Variants in MAP3K12 observed in about 807,000 individuals in gnomAD.
MAP3K12 encodes MAPK-upstream kinase.
A neutral mutation model predicts 87.5 loss-of-function variants in MAP3K12; 14 were observed. The observed-to-expected ratio is 0.16, with a 90% CI of 0.11 to 0.25. The LOEUF (loss-of-function observed/expected upper bound fraction) is 0.25. Ranked by LOEUF, MAP3K12 falls within the 10% of genes least tolerant of loss-of-function variation. The pLI is 1.00. For synonymous variants in MAP3K12, 469 were observed against 452.5 expected (o/e 1.04, Z -0.46); for missense variants, 802 against 1,140.4 (o/e 0.70, Z 4.27).
At chr12:53,497,340 AG>A (rs776727744) in intron 1 of MAP3K12, among the ~76,000 whole-genome samples, 21 of 152,190 alleles carry the variant, frequency 1.4e-4, no homozygotes, top group Non-Finnish European at 2.8e-4. Flanking sequence ...TCTCAAAGCA[AG>A]TGCCAGTAGG....
chr12:53,495,270 C>T (rs1382982417), intron 1 of MAP3K12, among the ~76,000 whole-genome samples: 1 of 132,842 alleles, frequency 7.5e-6, no homozygotes, highest in African/African-American at 2.8e-5. Flanking sequence ...ACCCAGGGGG[C>T]GGAGCCTGCA....
In MAP3K12 at chr12:53,483,193, G is replaced by C. The variant is rs1195974055; in HGVS notation, c.1614-4C>G. 3.3e-6 allele frequency: 5 copies of C among 1,525,650 alleles called. No individual in the cohort carries two copies. The highest frequency in any genetic ancestry group is 1.3e-5 in the South Asian group (1 of 75,730). 94.5% of individuals were successfully genotyped at this position (1,525,650 alleles called of 1,614,324 possible). A position where few individuals can be genotyped will look rare whatever the true frequency, so the allele number is the denominator to read the frequency against. The stretch of plus-strand genomic sequence containing the variant: ...CTCCGTCTTGAGGATATCTGGCCTG[G>C]AAGAAGAGGAAAAGTAAAAGGTTAA... On this transcript the variant is annotated splice_region_variant and splice_polypyrimidine_tract_variant and intron_variant, in intron 10 of 13. Coordinates refer to ENST00000547488, the MANE Select transcript of MAP3K12 (RefSeq NM_001193511.2).
chr12:53,484,099 C>T (rs1943158354), intron 7 of MAP3K12, 79 bp from the exon 8 acceptor site: 22 of 1,464,932 alleles, frequency 1.5e-5, no homozygotes, highest in Middle Eastern at 1.8e-4. Context: ...CACACCACTG[C>T]CAATGTGTGT....
At chr12:53,481,310 T>C (rs1943031096) in intron 13 of MAP3K12, 30 bp from the exon 14 acceptor site, 2 of 1,266,050 alleles carry the variant, frequency 1.6e-6, no homozygotes, top group East Asian at 2.8e-5. Flanking sequence ...TGGAGTGAGA[T>C]TCCTTGGGGT....
intron 1 of MAP3K12, among the ~76,000 whole-genome samples, chr12:53,492,583 A>G (rs923685237): frequency 6.6e-6 from 1 of 152,138 alleles, no homozygotes; most frequent in Admixed American, 6.5e-5. Flanking sequence ...AAATCACACT[A>G]AAGTTCAGCT....
chr12:53,485,509 C>G (rs543692306), intron 4 of MAP3K12, 34 bp from the exon 5 acceptor site: 64 of 1,601,650 alleles, frequency 4.0e-5, no homozygotes, highest in Admixed American at 2.0e-4. Flanking sequence ...GGGTCCACAC[C>G]CCTCCACACA....
At chr12:53,492,698 T>G (rs1395813102) in intron 1 of MAP3K12, among the ~76,000 whole-genome samples, 1 of 151,828 alleles carries the variant, frequency 6.6e-6, no homozygotes, top group Non-Finnish European at 1.5e-5. Flanking sequence ...AGTGCCAACA[T>G]ATGGGAGAAT....
rs768076606 is a variant in MAP3K12, at chr12:53,483,936, C to T, written c.1333G>A (p.Val445Met). ...CTGAGCTCCTCCCTCCTCCTCATCA[C>T]CAGTTCCTCTTCTAGGCGGTGCAGA... ...TCLHRLEEEL[V>M]MRRREELRHA... is the part of the protein sequence containing the mutation. Residue 445 changes from valine (V) to methionine (M), a missense_variant, in exon 8 of 14, where the codon GTG becomes ATG. Val to Met is a conservative substitution (Grantham distance 21). Transcript: ENST00000547488. 1 of 1,614,206 alleles carries T rather than the reference C, an allele frequency of 6.2e-7. No homozygotes were observed. The highest frequency in any genetic ancestry group is 8.5e-7 in the Non-Finnish European group (1 of 1,180,024).
chr12:53,482,536 AAG>A, intron 11 of MAP3K12, 27 bp downstream of exon 11: 3 of 1,595,600 alleles, frequency 1.9e-6, no homozygotes, highest in Non-Finnish European at 2.6e-6. Context: ...GAAAAAGGGA[AAG>A]AGCTTGGGAG....
At position 53,486,139 on chromosome 12, in the gene MAP3K12, C is replaced by G. The variant is rs1943220940; in HGVS notation, c.738G>C (p.Leu246=). ...CAGCGATGCCCATGGACCAGTCAAC[C>G]AGTAAGGAGGGGGTGACAGGGCGGC... ...RAGRPVTPSL[L]VDWSMGIAGG... is the part of the protein sequence containing the mutation. The change falls in exon 4 of 14, where the codon CTG becomes CTC. Residue 246 remains leucine (L), a synonymous_variant. Coordinates refer to ENST00000547488, the MANE Select transcript of MAP3K12 (RefSeq NM_001193511.2). This position sits in a 1 kb window ranked among gnomAD's most constrained non-coding sequence, Gnocchi z 4.9. 3 of 1,614,160 alleles carry G rather than the reference C, an allele frequency of 1.9e-6. No homozygotes were observed. In the East Asian group the frequency reaches 6.7e-5, roughly 36 times the overall value.
chr12:53,497,717 G>T (rs1180080390), intron 1 of MAP3K12, among the ~76,000 whole-genome samples: 1 of 152,234 alleles, frequency 6.6e-6, no homozygotes, highest in Non-Finnish European at 1.5e-5. Flanking sequence ...ATGGCAGCTG[G>T]GGGTCCCAGG....
chr12:53,486,097 C>A lies in MAP3K12; in HGVS notation c.780G>T (p.Leu260=). The change falls in exon 4 of 14, where the codon CTG becomes CTT. Residue 260 remains leucine (L), a synonymous_variant. Coordinates refer to ENST00000547488, the MANE Select transcript of MAP3K12 (RefSeq NM_001193511.2). The surrounding 1 kb of genome is among the most constrained non-coding windows in gnomAD (Gnocchi z 4.9). ...SMGIAGGMNY[L]HLHKIIHRDL... is the part of the protein sequence containing the mutation. The stretch of plus-strand genomic sequence containing the variant: ...CCCTGTGGATAATCTTGTGCAGGTG[C>A]AGGTAGTTCATGCCACCAGCGATGC... 6.2e-7 allele frequency: 1 copy of A among 1,613,122 alleles called. No individual in the cohort carries two copies. Among genetic ancestry groups the A allele is most frequent in the Non-Finnish European group, 8.5e-7 (1 of 1,179,472 alleles).
At position 53,480,462 on chromosome 12, in the gene MAP3K12, C is replaced by G. The variant is rs1942976101; in HGVS notation, c.*720G>C. On this transcript the variant is annotated 3_prime_UTR_variant, in exon 14 of 14. Coordinates refer to ENST00000547488, the MANE Select transcript of MAP3K12 (RefSeq NM_001193511.2). ...TTTATCTTAACCATGTATGGTACCC[C>G]ATTCATTCATCAAGAAAACCCTCAA... The G allele has an allele frequency of 6.6e-6, 1 of 152,542 alleles. No homozygotes were observed. Among genetic ancestry groups the G allele is most frequent in the Non-Finnish European group, 1.5e-5 (1 of 68,028 alleles). The allele number at this position is 152,542 out of a possible 1,614,324, so 9.4% of individuals were successfully genotyped here. A position where few individuals can be genotyped will look rare whatever the true frequency, so the allele number is the denominator to read the frequency against.
At position 53,498,960 on chromosome 12, in the gene MAP3K12, G is replaced by C. The variant is rs1022694002; in HGVS notation, c.-38+467C>G. On this transcript the variant is annotated intron_variant, in intron 1 of 13. Transcript: ENST00000547488. ...TGTGTGTGTGTGTGTGTGTGTGTGTGTGTGTGTGTGTGTGTGTGTGTGTGT... is the reference window on the plus strand; with the variant it reads ...TGTGTGTGTGTGTGTGTGTGTGTGTCTGTGTGTGTGTGTGTGTGTGTGTGT... Among the ~76,000 whole-genome samples, 2 of 47,830 alleles carry C rather than the reference G, an allele frequency of 4.2e-5. 1 individual carries two copies. Among genetic ancestry groups the C allele is most frequent in the Non-Finnish European group, 9.0e-5 (2 of 22,258 alleles). 31.4% of individuals were successfully genotyped at this position (47,830 alleles called of 152,430 possible).
chr12:53,493,264 T>TGGCTGGTTGCCG (rs1257180132), intron 1 of MAP3K12, among the ~76,000 whole-genome samples: 2 of 151,932 alleles, frequency 1.3e-5, no homozygotes, highest in Admixed American at 6.5e-5. Context: ...CCGGCCCAGG[T>TGGCTGGTTGCCG]GGCTGGTTGC....
chr12:53,495,067 C>T (rs931018342), intron 1 of MAP3K12, among the ~76,000 whole-genome samples: 1 of 152,048 alleles, frequency 6.6e-6, no homozygotes, highest in African/African-American at 2.4e-5. Context: ...AGGCCGAGCA[C>T]AGTGGCTCAC....
intron 1 of MAP3K12, among the ~76,000 whole-genome samples, chr12:53,489,156 A>C (rs1393794490): frequency 6.7e-6 from 1 of 148,914 alleles, no homozygotes; most frequent in East Asian, 1.9e-4. Flanking sequence ...AAAAATAGAA[A>C]CAAACAAACA....
intron 1 of MAP3K12, among the ~76,000 whole-genome samples, chr12:53,498,390 C>T (rs184662221): frequency 2.6e-5 from 4 of 152,248 alleles, no homozygotes; most frequent in Admixed American, 2.6e-4. Context: ...TGGCTTGAGA[C>T]GACTCTGGGT....
At chr12:53,489,393 G>A (rs933058033) in intron 1 of MAP3K12, among the ~76,000 whole-genome samples, 2 of 152,164 alleles carry the variant, frequency 1.3e-5, no homozygotes, top group Non-Finnish European at 2.9e-5. Context: ...GACCTCAGGC[G>A]AGCTGTAGTT....
Sources: gnomAD v4.1 joint callset for allele counts (sites outside exome capture counted in the v4.1 genomes callset) on GRCh38, gnomAD v4.1.1 for gene constraint, Gnocchi (gnomAD v3.1) non-coding constraint, MANE v1.5 for transcripts, NCBI Gene and HGNC (gene_info 2026-07-23, HGNC 2026-07-21) for gene names.